SLC1A2: variants seen among roughly 807,000 people sequenced by gnomAD.
SLC1A2 encodes solute carrier family 1 member 2.
Under a neutral mutation model 48.8 loss-of-function variants are expected in SLC1A2, and 15 were observed. The observed-to-expected ratio is 0.31, with a 90% CI of 0.21 to 0.47. SLC1A2 has a LOEUF of 0.47. Ranked by LOEUF, SLC1A2 falls within the 20% of genes least tolerant of loss-of-function variation. SLC1A2 has a pLI of 0.99. For missense variants in SLC1A2, 502 were observed against 730.5 expected (o/e 0.69, Z 3.61); for synonymous variants, 279 against 272.6 (o/e 1.02, Z -0.23).
At chr11:35,309,866 G>T (rs1158214537) in intron 4 of SLC1A2, among the ~76,000 whole-genome samples, 9 of 152,168 alleles carry the variant, frequency 5.9e-5, no homozygotes, top group Admixed American at 5.9e-4. Context: ...TCCTCAGGTT[G>T]TCCTAATCCA....
intron 1 of SLC1A2, among the ~76,000 whole-genome samples, chr11:35,341,047 A>G (rs1483916998): frequency 6.6e-6 from 1 of 152,192 alleles, no homozygotes; most frequent in Non-Finnish European, 1.5e-5. Flanking sequence ...GATTGAGTAC[A>G]TTTGGTTGAC....
intron 9 of SLC1A2, among the ~76,000 whole-genome samples, chr11:35,274,190 AT>A (rs1482626626): frequency 1.3e-5 from 2 of 152,208 alleles, no homozygotes; most frequent in Non-Finnish European, 2.9e-5. Context: ...CTTCTTTTTC[AT>A]TTTATTACTC....
intron 2 of SLC1A2, chr11:35,317,167 T>C (rs980523195): frequency 3.8e-6 from 2 of 520,944 alleles, no homozygotes. Flanking sequence ...TTGCAAAAAA[T>C]TTAAGAACTA....
chr11:35,290,045 GA>G (rs1376572845), intron 7 of SLC1A2, among the ~76,000 whole-genome samples: 1 of 152,166 alleles, frequency 6.6e-6, no homozygotes, highest in African/African-American at 2.4e-5. Flanking sequence ...AATAGGACTG[GA>G]AAGCATTAAA....
chr11:35,268,563 G>A (rs989596747), intron 9 of SLC1A2, among the ~76,000 whole-genome samples: 7 of 151,892 alleles, frequency 4.6e-5, no homozygotes, highest in Admixed American at 3.9e-4. Context: ...TACTCAGGAG[G>A]CTGGGATGGG....
chr11:35,419,002 C>T lies in SLC1A2; in HGVS notation c.-36G>A, dbSNP rs150479963. 26 of 1,549,782 alleles carry T rather than the reference C, an allele frequency of 1.7e-5. No homozygotes were observed. Among genetic ancestry groups the T allele is most frequent in the Non-Finnish European group, 2.1e-5 (24 of 1,145,046 alleles). On this transcript the variant is annotated 5_prime_UTR_variant, in exon 1 of 11. Coordinates refer to ENST00000278379, the MANE Select transcript of SLC1A2 (RefSeq NM_004171.4). This position sits in a 1 kb window ranked among gnomAD's most constrained non-coding sequence, Gnocchi z 5.4. The stretch of plus-strand genomic sequence containing the variant: ...ACGCCCCCTCCTCTTCAGCACTATC[C>T]GGCAGCTGTGGGCGAGGGAGAAAGC...
chr11:35,317,491 C>G lies in SLC1A2; in HGVS notation c.43G>C (p.Glu15Gln). The change falls in exon 2 of 11, where the codon GAA (glutamate) becomes CAA (glutamine). Residue 15 changes from glutamate (E) to glutamine (Q), a missense_variant. Glu to Gln is a conservative substitution (Grantham distance 29). Transcript: ENST00000278379. ...AGATGACTGTCGTGCATTCGCACTT[C>G]CACCTGCTTGGGCATATTGTTGGCA... The part of the protein sequence containing the change: ...EGANNMPKQV[E>Q]VRMHDSHLGS... The G allele has an allele frequency of 6.2e-7, 1 of 1,613,954 alleles. No homozygotes were observed.
In SLC1A2 at chr11:35,292,355, C is replaced by T. The variant is rs1459748954; in HGVS notation, c.1023G>A (p.Arg341=). Residue 341 remains arginine (R), a synonymous_variant, in exon 7 of 11, where the codon AGG becomes AGA. Coordinates refer to ENST00000278379, the MANE Select transcript of SLC1A2 (RefSeq NM_004171.4). ...FLPLIYFVVT[R]KNPFSFFAGI... ...CAGCAAAAAAGGAGAAGGGGTTTTTCCTGGTCACTACAAAGTAAATCAAGG... is the reference window on the plus strand; with the variant it reads ...CAGCAAAAAAGGAGAAGGGGTTTTTTCTGGTCACTACAAAGTAAATCAAGG... 3.1e-6 allele frequency: 5 copies of T among 1,613,902 alleles called. No homozygotes were observed. Among genetic ancestry groups the T allele is most frequent in the Non-Finnish European group, 8.5e-7 (1 of 1,179,944 alleles).
At chr11:35,400,407 A>T (rs962343132) in intron 1 of SLC1A2, among the ~76,000 whole-genome samples, 5 of 152,220 alleles carry the variant, frequency 3.3e-5, no homozygotes, top group Non-Finnish European at 5.9e-5. Context: ...AAAAATCTGT[A>T]GGTTATGCTC....
intron 1 of SLC1A2, among the ~76,000 whole-genome samples, chr11:35,357,431 C>T (rs536458334): frequency 5.3e-5 from 8 of 152,246 alleles, no homozygotes; most frequent in Admixed American, 3.9e-4. Context: ...CTTAATCTTT[C>T]TCAAAATGGG....
intron 1 of SLC1A2, chr11:35,323,331 A>C (rs997291012): frequency 1.6e-4 from 25 of 157,434 alleles, no homozygotes; most frequent in Non-Finnish European, 3.2e-4. Context: ...TGTCAGGGGA[A>C]AAGTATGAGG....
At chr11:35,268,674 A>AG (rs1314950936) in intron 9 of SLC1A2, among the ~76,000 whole-genome samples, 2 of 152,114 alleles carry the variant, frequency 1.3e-5, no homozygotes, top group East Asian at 3.9e-4. Flanking sequence ...AAAAAAAAAA[A>AG]AGAAAGAAAG....
chr11:35,302,409 C>T (rs1851382868), intron 5 of SLC1A2, among the ~76,000 whole-genome samples: 1 of 152,042 alleles, frequency 6.6e-6, no homozygotes, highest in South Asian at 2.1e-4. Flanking sequence ...TTGCTAGTTC[C>T]TAGTCCCTCC....
intron 1 of SLC1A2, among the ~76,000 whole-genome samples, chr11:35,365,270 C>T (rs1408144286): frequency 3.3e-5 from 5 of 152,192 alleles, no homozygotes; most frequent in African/African-American, 1.2e-4. Flanking sequence ...TTGGGCAACT[C>T]CTCTAAGTGC....
intron 1 of SLC1A2, chr11:35,322,724 G>T (rs368207830): frequency 1.3e-4 from 139 of 1,056,714 alleles, no homozygotes; most frequent in Middle Eastern, 2.0e-4. Flanking sequence ...GTCCTCTCCC[G>T]TAAGACAGTT....
chr11:35,309,403 C>G (rs543131543), intron 4 of SLC1A2, among the ~76,000 whole-genome samples: 4 of 152,266 alleles, frequency 2.6e-5, no homozygotes, highest in African/African-American at 9.6e-5. Context: ...GGAAAAGAAC[C>G]CATGCGGTCT....
chr11:35,405,855 C>T (rs1855275558), intron 1 of SLC1A2, among the ~76,000 whole-genome samples: 1 of 152,166 alleles, frequency 6.6e-6, no homozygotes, highest in South Asian at 2.1e-4. Context: ...AGAACCTTAC[C>T]AAGATGACCA....
rs1463654729 is a variant in SLC1A2, at chr11:35,254,596, GGA to G, written c.*6296_*6297del. 8 of 319,472 alleles carry G rather than the reference GGA, an allele frequency of 2.5e-5. No homozygotes were observed. Among genetic ancestry groups the G allele is most frequent in the African/African-American group, 1.8e-4 (8 of 45,332 alleles). The allele number at this position is 319,472 out of a possible 1,614,324, so 19.8% of individuals were successfully genotyped here. On this transcript the variant is annotated 3_prime_UTR_variant, in exon 11 of 11. Transcript: ENST00000278379. ...CATGAGAAGAAACAGTGCCCCAGAA[GGA>G]GTGAGGCTCCGACTGCAACATCTCC...
At chr11:35,323,048 G>T in intron 1 of SLC1A2, 2 of 423,520 alleles carry the variant, frequency 4.7e-6, no homozygotes, top group Non-Finnish European at 8.5e-6. Flanking sequence ...AAACTTAAAG[G>T]GTGACAGCCT....
Sources: gnomAD v4.1 joint callset for allele counts (sites outside exome capture counted in the v4.1 genomes callset) on GRCh38, gnomAD v4.1.1 for gene constraint, Gnocchi (gnomAD v3.1) non-coding constraint, MANE v1.5 for transcripts, NCBI Gene and HGNC (gene_info 2026-07-23, HGNC 2026-07-21) for gene names.